CDH12: variants seen among roughly 807,000 people sequenced by gnomAD.
CDH12 encodes cadherin 12.
A neutral mutation model predicts 74.1 loss-of-function variants in CDH12; 41 were observed. That is an observed-to-expected ratio of 0.55 (90% CI 0.43 to 0.72). The LOEUF (loss-of-function observed/expected upper bound fraction) is 0.72, where lower values mean the gene tolerates loss of function less well. CDH12 is among the 30% of genes least tolerant of loss of function. The pLI, the probability that CDH12 is intolerant of heterozygous loss-of-function variation, is 0.00. For missense variants in CDH12, 945 were observed against 977.2 expected (o/e 0.97, Z 0.44); for synonymous variants, 399 against 355.0 (o/e 1.12, Z -1.39).
chr5:21,877,675 A>G (rs1212967679), intron 6 of CDH12, among the ~76,000 whole-genome samples: 1 of 152,226 alleles, frequency 6.6e-6, no homozygotes, highest in Non-Finnish European at 1.5e-5. Context: ...TGTCTGTTAC[A>G]GAAATCAATG....
In CDH12 at chr5:22,712,465, T is replaced by G. The variant is rs115029751; in HGVS notation, c.-523+140593A>C. On this transcript the variant is annotated intron_variant, in intron 1 of 14. Transcript: ENST00000382254. ...AAATCTACTCTAATCAATAGAGGCC[T>G]TTTGGCTAGAATAGATGTTCCTGGA... Among the ~76,000 whole-genome samples the G allele has an allele frequency of 7.9e-3, 1,065 of 135,254 alleles. 7 individuals carry two copies. The highest frequency in any genetic ancestry group is 0.016 in the Middle Eastern group (4 of 258). 88.7% of individuals were successfully genotyped at this position (135,254 alleles called of 152,430 possible). A position where few individuals can be genotyped will look rare whatever the true frequency, so the allele number is the denominator to read the frequency against.
At chr5:22,778,437 T>C (rs1425067444) in intron 1 of CDH12, among the ~76,000 whole-genome samples, 4 of 152,176 alleles carry the variant, frequency 2.6e-5, no homozygotes, top group Admixed American at 1.3e-4. Flanking sequence ...ATTCTATACA[T>C]ATCTCCCACT....
At chr5:22,358,351 T>A (rs1206342096) in intron 3 of CDH12, among the ~76,000 whole-genome samples, 1 of 151,794 alleles carries the variant, frequency 6.6e-6, no homozygotes, top group Non-Finnish European at 1.5e-5. Context: ...GAGGTTGCAG[T>A]GAGTGAAGAT....
chr5:22,704,860 G>A (rs964507053), intron 1 of CDH12, among the ~76,000 whole-genome samples: 8 of 151,666 alleles, frequency 5.3e-5, no homozygotes, highest in Non-Finnish European at 1.2e-4. Flanking sequence ...GTTTTCTTTT[G>A]CCTCACATAT....
chr5:22,454,146 G>T (rs1434565523), intron 2 of CDH12, among the ~76,000 whole-genome samples: 1 of 152,000 alleles, frequency 6.6e-6, no homozygotes, highest in African/African-American at 2.4e-5. Flanking sequence ...TGGGGAAGGG[G>T]GAGAAGATTT....
rs538513745 is a variant in CDH12 at position 22,070,534 on chromosome 5, C to T, written c.231+7912G>A. On this transcript the variant is annotated intron_variant, in intron 5 of 14. Transcript: ENST00000382254. The stretch of plus-strand genomic sequence containing the variant: ...TAATCAGCTGAAGATCTTAACAAAA[C>T]AAAGACTGATGTCACTTGAGCAAGA... Among the ~76,000 whole-genome samples, 145 of 152,258 alleles carry T rather than the reference C, an allele frequency of 9.5e-4. No individual in the cohort carries two copies. The Middle Eastern group carries it at 0.027, about 29-fold the overall frequency.
intron 3 of CDH12, among the ~76,000 whole-genome samples, chr5:22,259,746 A>G (rs1179161080): frequency 6.6e-6 from 1 of 151,546 alleles, no homozygotes; most frequent in Non-Finnish European, 1.5e-5. Flanking sequence ...TTTTTTTACT[A>G]GCACCAATAT....
rs182359548 is a variant in CDH12, at chr5:22,098,629, C to G, written c.-186-19767G>C. 5.8e-3 allele frequency among the ~76,000 whole-genome samples: 889 copies of G among 152,322 alleles called. 3 individuals carry two copies. The highest frequency in any genetic ancestry group is 9.0e-3 in the Non-Finnish European group (612 of 68,038). ...TATACTTTCTGCTCCCCAGCTCCTT[C>G]AGCTGTATTCACTCTTCGTTGAGTC... On this transcript the variant is annotated intron_variant, in intron 4 of 14. Transcript: ENST00000382254.
At chr5:22,372,736 G>A (rs962523636) in intron 3 of CDH12, among the ~76,000 whole-genome samples, 6 of 152,116 alleles carry the variant, frequency 3.9e-5, no homozygotes, top group African/African-American at 1.4e-4. Flanking sequence ...ACTAAGACAT[G>A]CCCCGTCCTT....
chr5:22,095,518 T>C (rs565747501), intron 4 of CDH12, among the ~76,000 whole-genome samples: 28 of 152,190 alleles, frequency 1.8e-4, no homozygotes, highest in African/African-American at 6.5e-4. Context: ...TAGCGGCAAG[T>C]ACTGCTTTTC....
rs967418946 is a variant in CDH12 at position 22,033,250 on chromosome 5, T to C, written c.231+45196A>G. Among the ~76,000 whole-genome samples, 11 of 152,274 alleles carry C rather than the reference T, an allele frequency of 7.2e-5. No homozygotes were observed. In the South Asian group the frequency reaches 1.7e-3, roughly 23 times the overall value. On this transcript the variant is annotated intron_variant, in intron 5 of 14. Coordinates refer to ENST00000382254, the MANE Select transcript of CDH12 (RefSeq NM_004061.5). Reference sequence around the variant, plus strand: ...ATTTTCTCATTATGTAGTCTCAGCATTACAAGAACAAACCAAGCAAGGTTG... The same window carrying C: ...ATTTTCTCATTATGTAGTCTCAGCACTACAAGAACAAACCAAGCAAGGTTG...
chr5:22,234,910 T>TA (rs1307618557), intron 3 of CDH12, among the ~76,000 whole-genome samples: 8 of 152,130 alleles, frequency 5.3e-5, no homozygotes, highest in African/African-American at 1.7e-4. Context: ...CTTTTTTTTT[T>TA]ACTAAACAAA....
At chr5:22,212,130 T>C (rs1333265754) in intron 4 of CDH12, 1 of 152,100 alleles carries the variant, frequency 6.6e-6, no homozygotes, top group Non-Finnish European at 1.5e-5. Flanking sequence ...CCATCTGATT[T>C]AACTTTGAAG....
chr5:22,607,724 G>T (rs903560643), intron 1 of CDH12, among the ~76,000 whole-genome samples: 1 of 152,206 alleles, frequency 6.6e-6, no homozygotes, highest in East Asian at 1.9e-4. Flanking sequence ...AGGACCTTCT[G>T]CTGTGTGCAG....
chr5:22,036,143 GCTTA>G (rs1739169674), intron 5 of CDH12, among the ~76,000 whole-genome samples: 1 of 152,148 alleles, frequency 6.6e-6, no homozygotes, highest in Non-Finnish European at 1.5e-5. Context: ...TTTTCCTGCA[GCTTA>G]CTGTTTATCA....
chr5:21,783,296 T>A lies in CDH12; in HGVS notation c.1393+62A>T, dbSNP rs981962673. 7 of 1,467,612 alleles carry A rather than the reference T, an allele frequency of 4.8e-6. No homozygotes were observed. The Admixed American group carries it at 1.3e-4, about 28-fold the overall frequency. 90.9% of individuals were successfully genotyped at this position (1,467,612 alleles called of 1,614,324 possible). ...TGAAAAACATCTCAGCAGGGACTCA[T>A]TTAAGAGTCTTAAATCCAAAGAACT... is the stretch of plus-strand genomic sequence containing the variant. On this transcript the variant is annotated intron_variant, in intron 11 of 14. Coordinates refer to ENST00000382254, the MANE Select transcript of CDH12 (RefSeq NM_004061.5).
At chr5:22,206,061 G>A (rs1009378728) in intron 4 of CDH12, among the ~76,000 whole-genome samples, 4 of 151,958 alleles carry the variant, frequency 2.6e-5, no homozygotes, top group Admixed American at 1.3e-4. Flanking sequence ...TTCCTGAGAT[G>A]GGAAAAGCTT....
chr5:22,264,054 A>C (rs1437245262), intron 3 of CDH12, among the ~76,000 whole-genome samples: 1 of 151,492 alleles, frequency 6.6e-6, no homozygotes, highest in East Asian at 1.9e-4. Context: ...ATTGCTCTGA[A>C]AATCTATATG....
intron 1 of CDH12, among the ~76,000 whole-genome samples, chr5:22,780,164 T>C (rs999654663): frequency 8.5e-5 from 13 of 152,054 alleles, no homozygotes; most frequent in Admixed American, 7.9e-4. Context: ...GGGAGGAGGA[T>C]CACTTGAGGC....
Sources: gnomAD v4.1 joint callset for allele counts (sites outside exome capture counted in the v4.1 genomes callset) on GRCh38, gnomAD v4.1.1 for gene constraint, MANE v1.5 for transcripts, NCBI Gene and HGNC (gene_info 2026-07-23, HGNC 2026-07-21) for gene names.